SLC4A5: variants seen among roughly 807,000 people sequenced by gnomAD.
The protein encoded by SLC4A5 is electrogenic sodium bicarbonate cotransporter 4.
In SLC4A5, 96 loss-of-function variants were observed where a neutral mutation model predicts 120.4. That is an observed-to-expected ratio of 0.80 (90% CI 0.68 to 0.94). SLC4A5 has a LOEUF of 0.94. Among genes scored for constraint, SLC4A5 ranks in the 40% least tolerant of loss-of-function variants. SLC4A5 has a pLI of 0.00. For synonymous variants in SLC4A5, 550 were observed against 571.1 expected, an observed-to-expected ratio of 0.96 and a Z score of 0.53; for missense variants, 1,259 against 1,459.5, an observed-to-expected ratio of 0.86 and a Z score of 2.24.
intron 8 of SLC4A5, among the ~76,000 whole-genome samples, chr2:74,276,961 A>AAGC (rs1192570436): frequency 6.6e-6 from 1 of 152,028 alleles, no homozygotes; most frequent in African/African-American, 2.4e-5. Context: ...GCCCTGAGAG[A>AAGC]AGCAGAGACC....
At chr2:74,294,216 G>A (rs969155563) in intron 7 of SLC4A5, among the ~76,000 whole-genome samples, 1 of 152,130 alleles carries the variant, frequency 6.6e-6, no homozygotes, top group Admixed American at 6.5e-5. Context: ...TCCCATCTGA[G>A]TTCCCTACGC....
intron 7 of SLC4A5, chr2:74,290,622 TGAGA>T (rs151284937): frequency 0.012 from 10,739 of 859,792 alleles, 73 homozygotes; most frequent in Admixed American, 0.081. Flanking sequence ...GACAGAGAAG[TGAGA>T]GAGAGAGAGA....
Position 74,252,994 on chromosome 2 carries a change from C to T in SLC4A5, c.1248G>A (p.Lys416=), listed in dbSNP as rs779808304. The change falls in exon 15 of 31, where the codon AAG becomes AAA. Residue 416 remains lysine, a synonymous_variant. Coordinates refer to ENST00000394019, the Ensembl canonical transcript of SLC4A5. ...CACACCTCTTGTCAGCAGAGGGCACCTTCTTGGGGGGCTCAATCCGGATAT... is the reference window on the plus strand; with the variant it reads ...CACACCTCTTGTCAGCAGAGGGCACTTTCTTGGGGGGCTCAATCCGGATAT... 3.7e-6 allele frequency: 6 copies of T among 1,614,182 alleles called. No individual in the cohort carries two copies. The South Asian group carries it at 5.5e-5, about 15-fold the overall frequency.
chr2:74,333,064 C>T (rs1673400962), intron 4 of SLC4A5, among the ~76,000 whole-genome samples: 1 of 152,090 alleles, frequency 6.6e-6, no homozygotes, highest in Admixed American at 6.6e-5. Flanking sequence ...AGAACTGGCC[C>T]CAGTGTTCCT....
intron 6 of SLC4A5, among the ~76,000 whole-genome samples, chr2:74,314,678 T>A (rs886989218): frequency 6.6e-6 from 1 of 152,234 alleles, no homozygotes; most frequent in Non-Finnish European, 1.5e-5. Flanking sequence ...GCAGATCTTG[T>A]AAAATTAGGT....
chr2:74,317,468 A>G (rs1672996861), intron 5 of SLC4A5, among the ~76,000 whole-genome samples: 2 of 152,340 alleles, frequency 1.3e-5, no homozygotes, highest in South Asian at 2.1e-4. Flanking sequence ...TCTCAAGACC[A>G]TGATGCAGAG....
intron 12 of SLC4A5, among the ~76,000 whole-genome samples, chr2:74,259,260 G>A (rs1671062191): frequency 6.6e-6 from 1 of 152,150 alleles, no homozygotes. Flanking sequence ...GGTGCTTGTG[G>A]ATCACAGGAT....
intron 14 of SLC4A5, among the ~76,000 whole-genome samples, 182 bp from the exon 15 acceptor site, chr2:74,253,310 G>A (rs1670852384): frequency 6.6e-6 from 1 of 152,196 alleles, no homozygotes; most frequent in African/African-American, 2.4e-5. Context: ...GGACACAGCA[G>A]GCACTGGGGG....
intron 7 of SLC4A5, among the ~76,000 whole-genome samples, chr2:74,297,672 G>C (rs1053714148): frequency 2.0e-5 from 3 of 152,036 alleles, no homozygotes; most frequent in Admixed American, 6.6e-5. Context: ...TTCCCCCCAG[G>C]GTAGAAACCC....
At chr2:74,298,667 C>T (rs1225155437) in intron 7 of SLC4A5, among the ~76,000 whole-genome samples, 2 of 152,112 alleles carry the variant, frequency 1.3e-5, no homozygotes, top group East Asian at 1.9e-4. Context: ...ATTTGCAAGC[C>T]ATATATCTGA....
At chr2:74,274,066 G>A (rs958907572) in intron 8 of SLC4A5, among the ~76,000 whole-genome samples, 2 of 152,210 alleles carry the variant, frequency 1.3e-5, no homozygotes, top group Non-Finnish European at 2.9e-5. Context: ...TCCCAGCCAA[G>A]CACTATGCTA....
chr2:74,231,853 C>A (rs1437533177), intron 24 of SLC4A5, among the ~76,000 whole-genome samples: 1 of 152,180 alleles, frequency 6.6e-6, no homozygotes, highest in Non-Finnish European at 1.5e-5. Flanking sequence ...TTCGGGCAGG[C>A]TGGGCGGTCC....
chr2:74,331,295 G>A (rs1434188113), intron 4 of SLC4A5, among the ~76,000 whole-genome samples: 1 of 151,178 alleles, frequency 6.6e-6, no homozygotes, highest in Non-Finnish European at 1.5e-5. Context: ...TGGAGGTGGT[G>A]ACGTCTAGAT....
At chr2:74,335,073 T>TCC (rs1448009108) in intron 3 of SLC4A5, among the ~76,000 whole-genome samples, 1 of 152,156 alleles carries the variant, frequency 6.6e-6, no homozygotes, top group Non-Finnish European at 1.5e-5. Flanking sequence ...GGGAGCTGAT[T>TCC]CAGGGACGCC....
At chr2:74,325,411 C>A (rs1673195713) in intron 5 of SLC4A5, among the ~76,000 whole-genome samples, 1 of 152,114 alleles carries the variant, frequency 6.6e-6, no homozygotes, top group African/African-American at 2.4e-5. Context: ...ATCCCAACTT[C>A]TCACAACTTG....
chr2:74,239,364 A>G, exon 21 of SLC4A5: 1 of 1,614,154 alleles, frequency 6.2e-7, no homozygotes, highest in South Asian at 1.1e-5. Flanking sequence ...CTGAATTTGA[A>G]CTTCTTCAGG....
intron 6 of SLC4A5, among the ~76,000 whole-genome samples, chr2:74,305,348 T>C (rs180979332): frequency 1.3e-5 from 2 of 152,336 alleles, no homozygotes; most frequent in African/African-American, 4.8e-5. Flanking sequence ...TCAACAATTT[T>C]TAAAATAATT....
intron 4 of SLC4A5, 81 bp downstream of exon 4, chr2:74,333,946 A>C: frequency 6.6e-6 from 1 of 152,244 alleles, no homozygotes; most frequent in East Asian, 1.9e-4. Flanking sequence ...TAATGGGACT[A>C]AGGATTCATT....
intron 7 of SLC4A5, among the ~76,000 whole-genome samples, chr2:74,301,837 CTT>C (rs1672483135): frequency 6.6e-6 from 1 of 152,168 alleles, no homozygotes; most frequent in South Asian, 2.1e-4. Flanking sequence ...TGGTTGGTGA[CTT>C]TGTTACCAGG....
Sources: gnomAD v4.1 joint callset for allele counts (sites outside exome capture counted in the v4.1 genomes callset) on GRCh38, gnomAD v4.1.1 for gene constraint, MANE v1.5 for transcripts, NCBI Gene and HGNC (gene_info 2026-07-23, HGNC 2026-07-21) for gene names.